Variants in LRP1B observed in about 807,000 individuals in gnomAD.
LRP1B encodes low-density lipoprotein receptor-related protein 1B.
Under a neutral mutation model 556.6 loss-of-function variants are expected in LRP1B, and 217 were observed. That is an observed-to-expected ratio of 0.39 (90% CI 0.35 to 0.44). LRP1B has a LOEUF of 0.44. LRP1B is among the 20% of genes least tolerant of loss of function. The pLI is 1.00. For synonymous variants in LRP1B, 2,047 were observed against 1,865.8 expected, an observed-to-expected ratio of 1.10 and a Z score of -2.50; for missense variants, 5,053 against 5,620.8, an observed-to-expected ratio of 0.90 and a Z score of 3.23.
At chr2:140,515,818 C>T (rs1689871567) in intron 50 of LRP1B, among the ~76,000 whole-genome samples, 1 of 152,038 alleles carries the variant, frequency 6.6e-6, no homozygotes, top group South Asian at 2.1e-4. Flanking sequence ...AAATAAAATG[C>T]ACCTTCACAT....
chr2:140,717,205 A>G (rs1256368808), intron 35 of LRP1B, among the ~76,000 whole-genome samples: 1 of 152,012 alleles, frequency 6.6e-6, no homozygotes, highest in Non-Finnish European at 1.5e-5. Flanking sequence ...CTATGTCTGA[A>G]TCTCCTATTA....
At chr2:140,256,056 T>TA (rs1681661949) in intron 86 of LRP1B, among the ~76,000 whole-genome samples, 1 of 152,204 alleles carries the variant, frequency 6.6e-6, no homozygotes, top group African/African-American at 2.4e-5. Context: ...GCTTGATGGA[T>TA]ACTTTAATGT....
At chr2:140,603,286 T>G (rs1682743101) in intron 41 of LRP1B, among the ~76,000 whole-genome samples, 1 of 152,072 alleles carries the variant, frequency 6.6e-6, no homozygotes, top group Non-Finnish European at 1.5e-5. Flanking sequence ...TAAGCTAATT[T>G]TATGTGATGC....
chr2:141,011,065 T>C (rs1697733069), intron 14 of LRP1B, among the ~76,000 whole-genome samples: 2 of 130,302 alleles, frequency 1.5e-5, no homozygotes, highest in South Asian at 4.8e-4. Flanking sequence ...ATAATTTGTA[T>C]TCTCTCAGAG....
At chr2:142,015,947 G>C (rs1300000648) in intron 1 of LRP1B, among the ~76,000 whole-genome samples, 2 of 124,936 alleles carry the variant, frequency 1.6e-5, no homozygotes, top group Admixed American at 1.1e-4. Context: ...AGCCGAGATC[G>C]TGCCACTGCA....
At chr2:141,669,754 G>A (rs1439028382) in intron 2 of LRP1B, among the ~76,000 whole-genome samples, 1 of 150,772 alleles carries the variant, frequency 6.6e-6, no homozygotes, top group African/African-American at 2.4e-5. Flanking sequence ...CTTTTTTGGC[G>A]GGGGCGGGTG....
At chr2:141,570,999 A>C (rs571689903) in intron 2 of LRP1B, among the ~76,000 whole-genome samples, 11 of 151,370 alleles carry the variant, frequency 7.3e-5, no homozygotes, top group African/African-American at 2.7e-4. Flanking sequence ...ACATCCAGGC[A>C]GCCCAGACGA....
intron 41 of LRP1B, among the ~76,000 whole-genome samples, chr2:140,671,710 G>A (rs1293419127): frequency 6.6e-6 from 1 of 151,900 alleles, no homozygotes; most frequent in East Asian, 1.9e-4. Flanking sequence ...GATTAAGTTG[G>A]GCCCATTCAA....
At chr2:142,003,683 T>C (rs1467132119) in intron 1 of LRP1B, among the ~76,000 whole-genome samples, 1 of 152,060 alleles carries the variant, frequency 6.6e-6, no homozygotes, top group Non-Finnish European at 1.5e-5. Flanking sequence ...AGAACGAGGG[T>C]AGATGTACAA....
intron 20 of LRP1B, among the ~76,000 whole-genome samples, chr2:140,926,552 A>G (rs1323379508): frequency 6.6e-6 from 1 of 152,044 alleles, no homozygotes; most frequent in African/African-American, 2.4e-5. Flanking sequence ...TTTGTTGCCT[A>G]GACTGGTCTT....
At chr2:141,553,489 C>T (rs1445120036) in intron 2 of LRP1B, among the ~76,000 whole-genome samples, 1 of 151,182 alleles carries the variant, frequency 6.6e-6, no homozygotes, top group Non-Finnish European at 1.5e-5. Context: ...AATTTTTTCT[C>T]GGTCAACAGG....
At chr2:140,563,852 AC>A (rs1299760850) in intron 43 of LRP1B, among the ~76,000 whole-genome samples, 4 of 152,182 alleles carry the variant, frequency 2.6e-5, no homozygotes, top group Non-Finnish European at 5.9e-5. Flanking sequence ...TACCGAATAG[AC>A]AGAAAAAGTG....
At chr2:140,241,427 AT>A (rs1680942686) in intron 87 of LRP1B, among the ~76,000 whole-genome samples, 2 of 150,940 alleles carry the variant, frequency 1.3e-5, no homozygotes, top group Admixed American at 1.3e-4. Flanking sequence ...TTTAGGGTAT[AT>A]AAAATTTATT....
At chr2:140,251,331 G>T (rs1170740271) in intron 86 of LRP1B, among the ~76,000 whole-genome samples, 1 of 151,660 alleles carries the variant, frequency 6.6e-6, no homozygotes, top group African/African-American at 2.4e-5. Context: ...ATTACAAAGA[G>T]AATTAAAATG....
intron 1 of LRP1B, among the ~76,000 whole-genome samples, chr2:142,003,385 T>TG (rs1416295074): frequency 6.6e-6 from 1 of 152,206 alleles, no homozygotes; most frequent in Admixed American, 6.5e-5. Context: ...TACAGTCTTT[T>TG]GGGCTGGGGA....
At chr2:141,616,969 G>T (rs1207951078) in intron 2 of LRP1B, among the ~76,000 whole-genome samples, 2 of 152,124 alleles carry the variant, frequency 1.3e-5, no homozygotes, top group Non-Finnish European at 2.9e-5. Context: ...CCAGATCTCT[G>T]CTTGGGCAAT....
intron 1 of LRP1B, among the ~76,000 whole-genome samples, chr2:141,951,890 A>G (rs971972419): frequency 6.6e-6 from 1 of 152,092 alleles, no homozygotes; most frequent in Non-Finnish European, 1.5e-5. Flanking sequence ...CATGTGTACA[A>G]CGTGCATGTT....
chr2:140,538,368 C>A (rs1198739501), intron 45 of LRP1B, among the ~76,000 whole-genome samples: 1 of 151,990 alleles, frequency 6.6e-6, no homozygotes, highest in South Asian at 2.1e-4. Flanking sequence ...AACCTTTGTC[C>A]ACCGTCTTTC....
chr2:141,817,940 GATA>G (rs1696615609), intron 1 of LRP1B, among the ~76,000 whole-genome samples: 1 of 152,116 alleles, frequency 6.6e-6, no homozygotes, highest in Non-Finnish European at 1.5e-5. Context: ...CAGGGACTCA[GATA>G]ATAAGGTTTA....
Sources: gnomAD v4.1 joint callset for allele counts (sites outside exome capture counted in the v4.1 genomes callset) on GRCh38, gnomAD v4.1.1 for gene constraint, MANE v1.5 for transcripts, NCBI Gene and HGNC (gene_info 2026-07-23, HGNC 2026-07-21) for gene names.